Variants in GALNT2 observed in about 807,000 individuals in gnomAD.
The protein encoded by GALNT2 is polypeptide N-acetylgalactosaminyltransferase 2, also known as UDP-GalNAc:polypeptide N-acetylgalactosaminyltransferase 2.
In GALNT2, 31 loss-of-function variants were observed where a neutral mutation model predicts 81.4. That is an observed-to-expected ratio of 0.38 (90% CI 0.29 to 0.51). The LOEUF (loss-of-function observed/expected upper bound fraction) is 0.51, where lower values mean the gene tolerates loss of function less well. GALNT2 is among the 20% of genes least tolerant of loss of function. GALNT2 has a pLI of 0.87. For synonymous variants in GALNT2, 303 were observed against 287.4 expected (o/e 1.05, Z -0.55); for missense variants, 629 against 765.7 (o/e 0.82, Z 2.11).
intron 2 of GALNT2, among the ~76,000 whole-genome samples, chr1:230,185,301 T>TGTGTGTGTGTGCGCGC (rs58770415): frequency 7.9e-6 from 1 of 126,012 alleles, no homozygotes; most frequent in African/African-American, 2.7e-5. Flanking sequence ...TGTGTGTGTG[T>TGTGTGTGTGTGCGCGC]GCGCGCGTGT....
At chr1:230,135,885 G>T (rs1661523139) in intron 1 of GALNT2, among the ~76,000 whole-genome samples, 1 of 151,586 alleles carries the variant, frequency 6.6e-6, no homozygotes, top group African/African-American at 2.4e-5. Flanking sequence ...ATAGATGGGG[G>T]TCTCACTGTG....
Position 230,087,381 on chromosome 1 carries a change from T to C in GALNT2, c.126+19975T>C, listed in dbSNP as rs923235465. ...TGCAGTAAAATTAAATTTCAAGGAC[T>C]GCAGGAGCCTAAGATCCTTCTGCTG... On this transcript the variant is annotated intron_variant, in intron 1 of 15. Transcript: ENST00000366672. Among the ~76,000 whole-genome samples the C allele has an allele frequency of 2.6e-5, 4 of 152,358 alleles. No homozygotes were observed. The East Asian group carries it at 7.7e-4, about 29-fold the overall frequency.
chr1:230,068,217 C>T (rs1571922451), intron 1 of GALNT2, among the ~76,000 whole-genome samples: 1 of 152,240 alleles, frequency 6.6e-6, no homozygotes, highest in East Asian at 1.9e-4. Flanking sequence ...CTGTGGGGAC[C>T]GTGTGAGCCG....
At chr1:230,269,983 C>T (rs1666127553) in intron 14 of GALNT2, among the ~76,000 whole-genome samples, 1 of 152,006 alleles carries the variant, frequency 6.6e-6, no homozygotes, top group South Asian at 2.1e-4. Context: ...GGGTGAATCA[C>T]GAGGTCTGGA....
rs1364224228 is a variant in GALNT2, at chr1:230,145,187, TC to T, written c.127-33027del. The stretch of plus-strand genomic sequence containing the variant: ...TACCAAGACTGTCCTTGGCACCCCC[TC>T]CCCAACCCCATTCTCAGATCGCCCC... On this transcript the variant is annotated intron_variant, in intron 1 of 15. Coordinates refer to ENST00000366672, the MANE Select transcript of GALNT2 (RefSeq NM_004481.5). 3.9e-5 allele frequency among the ~76,000 whole-genome samples: 6 copies of T among 152,102 alleles called. No homozygotes were observed. In the East Asian group the frequency reaches 1.2e-3, roughly 29 times the overall value.
chr1:230,194,720 G>T (rs1663633935), intron 2 of GALNT2, among the ~76,000 whole-genome samples: 1 of 152,354 alleles, frequency 6.6e-6, no homozygotes, highest in Admixed American at 6.5e-5. Context: ...AGGCCTCTGG[G>T]AACAGTGTCA....
At chr1:230,153,817 G>C (rs529369703) in intron 1 of GALNT2, among the ~76,000 whole-genome samples, 1 of 152,330 alleles carries the variant, frequency 6.6e-6, no homozygotes, top group Admixed American at 6.5e-5. Flanking sequence ...GGGGCCCCTG[G>C]TTGGTGGCAC....
At chr1:230,240,434 A>G (rs1345309230) in intron 6 of GALNT2, among the ~76,000 whole-genome samples, 3 of 152,224 alleles carry the variant, frequency 2.0e-5, no homozygotes, top group African/African-American at 7.2e-5. Context: ...TTTACTAAAA[A>G]TACGAAAATT....
intron 2 of GALNT2, among the ~76,000 whole-genome samples, chr1:230,201,014 A>G (rs1663876931): frequency 6.6e-6 from 1 of 152,218 alleles, no homozygotes. Flanking sequence ...ACTGGTGAGG[A>G]GTAGAAGCTG....
intron 1 of GALNT2, among the ~76,000 whole-genome samples, chr1:230,173,453 C>T (rs1199592823): frequency 6.6e-6 from 1 of 152,208 alleles, no homozygotes; most frequent in African/African-American, 2.4e-5. Context: ...AATCATTCTG[C>T]ATTCACTGTC....
intron 14 of GALNT2, among the ~76,000 whole-genome samples, chr1:230,272,224 C>T (rs1666176328): frequency 6.6e-6 from 1 of 151,932 alleles, no homozygotes; most frequent in Non-Finnish European, 1.5e-5. Context: ...GAAGAGCTGG[C>T]TGGAACTCAC....
At chr1:230,119,876 G>A (rs896494845) in intron 1 of GALNT2, among the ~76,000 whole-genome samples, 1 of 152,088 alleles carries the variant, frequency 6.6e-6, no homozygotes, top group African/African-American at 2.4e-5. Context: ...GCTTGAGGTG[G>A]GCCCTACATC....
chr1:230,070,605 TCA>T lies in GALNT2; in HGVS notation c.126+3201_126+3202del, dbSNP rs1659343502. 6.6e-6 allele frequency among the ~76,000 whole-genome samples: 1 copy of T among 151,488 alleles called. No individual in the cohort carries two copies. Among genetic ancestry groups the T allele is most frequent in the Admixed American group, 6.6e-5 (1 of 15,258 alleles). On this transcript the variant is annotated intron_variant, in intron 1 of 15. Transcript: ENST00000366672. The surrounding 1 kb of genome is among the most constrained non-coding windows in gnomAD (Gnocchi z 4.7). ...AGCCTGTCCACTTTGCACAGTAGCATCACCCTTATTCCCTGAGCTGGCACGAG... is the reference window on the plus strand; with the variant it reads ...AGCCTGTCCACTTTGCACAGTAGCATCCCTTATTCCCTGAGCTGGCACGAG...
chr1:230,082,746 G>C (rs1401514752), intron 1 of GALNT2, among the ~76,000 whole-genome samples: 1 of 152,232 alleles, frequency 6.6e-6, no homozygotes, highest in Non-Finnish European at 1.5e-5. Flanking sequence ...TAGACAGCTG[G>C]GATGATAGAG....
At chr1:230,074,754 G>A (rs1217299959) in intron 1 of GALNT2, among the ~76,000 whole-genome samples, 1 of 152,146 alleles carries the variant, frequency 6.6e-6, no homozygotes, top group Non-Finnish European at 1.5e-5. Context: ...ACTGTGCATA[G>A]AAATAAAAGG....
chr1:230,275,007 CACATATAT>C lies in GALNT2; in HGVS notation c.1560+455_1560+462del, dbSNP rs1172099964. On this transcript the variant is annotated intron_variant, in intron 15 of 15. Transcript: ENST00000366672. The surrounding 1 kb of genome is among the most constrained non-coding windows in gnomAD (Gnocchi z 5.5). ...GCTACATATATACATATATACATGCCACATATATACATATATACACGCCACATATATAC... is the reference window on the plus strand; with the variant it reads ...GCTACATATATACATATATACATGCCACATATATACACGCCACATATATAC... Among the ~76,000 whole-genome samples the C allele has an allele frequency of 2.9e-5, 4 of 138,932 alleles. No homozygotes were observed. The highest frequency in any genetic ancestry group is 3.3e-5 in the Non-Finnish European group (2 of 60,734). 91.1% of individuals were successfully genotyped at this position (138,932 alleles called of 152,430 possible).
intron 1 of GALNT2, among the ~76,000 whole-genome samples, chr1:230,131,883 G>A (rs918024720): frequency 6.6e-6 from 1 of 152,248 alleles, no homozygotes; most frequent in South Asian, 2.1e-4. Flanking sequence ...GCTGAGGGCA[G>A]TTATGACCCA....
rs533967530 is a variant in GALNT2 at position 230,159,893 on chromosome 1, C to T, written c.127-18325C>T. The stretch of plus-strand genomic sequence containing the variant: ...TTGGCTGGATCCCTGTTTGCTAGAG[C>T]TTTGTTCCTACTCTGGAGGAGTCAG... On this transcript the variant is annotated intron_variant, in intron 1 of 15. Transcript: ENST00000366672. Among the ~76,000 whole-genome samples the T allele has an allele frequency of 3.3e-5, 5 of 152,322 alleles. No homozygotes were observed. The East Asian group carries it at 7.7e-4, about 24-fold the overall frequency.
intron 1 of GALNT2, among the ~76,000 whole-genome samples, chr1:230,100,388 G>A (rs554921131): frequency 3.6e-5 from 5 of 138,146 alleles, no homozygotes; most frequent in Non-Finnish European, 6.0e-5. Flanking sequence ...GTGCAATGGC[G>A]CGACCTCGGC....
Sources: allele counts gnomAD v4.1 joint callset (sites outside exome capture counted in the v4.1 genomes callset), GRCh38; gene constraint gnomAD v4.1.1; non-coding constraint Gnocchi (gnomAD v3.1); transcripts MANE v1.5; gene names NCBI Gene and HGNC (gene_info 2026-07-23, HGNC 2026-07-21).